Variants in DMD observed in about 807,000 individuals in gnomAD.
The protein encoded by DMD is dystrophin, also known as mutant dystrophin.
In DMD, 63 loss-of-function variants were observed where a neutral mutation model predicts 330.1. That is an observed-to-expected ratio of 0.19 (90% confidence interval 0.16 to 0.24). The LOEUF is 0.24. Ranked by LOEUF, DMD falls within the 10% of genes least tolerant of loss-of-function variation. The pLI, the probability that DMD is intolerant of heterozygous loss-of-function variation, is 1.00. For synonymous variants in DMD, 1,223 were observed against 959.8 expected (o/e 1.27, Z -5.07); for missense variants, 3,344 against 2,684.1 (o/e 1.25, Z -5.43).
chrX:32,965,859 G>C (rs1318878991), intron 2 of DMD, among the ~76,000 whole-genome samples: 1 of 111,702 alleles, frequency 9.0e-6, no homozygotes, highest in East Asian at 2.8e-4. Context: ...AATCATTATA[G>C]TTTGTCTAGG....
rs369182427 is a variant in DMD at position 31,190,155 on chromosome X, C to T, written c.9808-7251G>A. ...AATGTTTGGAGTGTCGACCAAAAAA[C>T]ATCAGAGAAAAACATCGCCAAATAT... On this transcript the variant is annotated intron_variant, in intron 67 of 78. Coordinates refer to ENST00000357033, the MANE Select transcript of DMD (RefSeq NM_004006.3). Among the ~76,000 whole-genome samples the T allele has an allele frequency of 3.6e-5, 4 of 112,124 alleles. No homozygotes were observed. In the South Asian group the frequency reaches 1.5e-3, roughly 42 times the overall value.
intron 74 of DMD, among the ~76,000 whole-genome samples, chrX:31,154,258 G>A (rs924722053): frequency 1.8e-5 from 2 of 111,026 alleles, no homozygotes; most frequent in Admixed American, 9.6e-5. Flanking sequence ...CAGAGTTACT[G>A]TTCCAAGGTA....
intron 52 of DMD, among the ~76,000 whole-genome samples, chrX:31,702,396 C>T (rs1291951558): frequency 8.9e-6 from 1 of 112,122 alleles, no homozygotes; most frequent in Non-Finnish European, 1.9e-5. Flanking sequence ...TGGATTACAT[C>T]ATCTTCATTC....
At chrX:32,164,692 C>T (rs1333460068) in intron 44 of DMD, among the ~76,000 whole-genome samples, 2 of 111,412 alleles carry the variant, frequency 1.8e-5, no homozygotes, top group African/African-American at 6.5e-5. Flanking sequence ...ATAGGCAAGA[C>T]AATGGGGAAA....
intron 62 of DMD, chrX:31,267,048 C>T: frequency 2.5e-6 from 1 of 404,899 alleles, no homozygotes; most frequent in Non-Finnish European, 4.0e-6. Flanking sequence ...GACCTGGGAA[C>T]CCGGACACCC....
At chrX:31,814,439 C>G (rs1272767574) in intron 50 of DMD, among the ~76,000 whole-genome samples, 1 of 84,901 alleles carries the variant, frequency 1.2e-5, no homozygotes, top group African/African-American at 4.6e-5. Flanking sequence ...GCCGAGATCG[C>G]GCCACTGCAC....
intron 60 of DMD, 49 bp downstream of exon 60, chrX:31,444,432 T>C (rs1343030866): frequency 2.5e-6 from 3 of 1,181,699 alleles, no homozygotes; most frequent in South Asian, 1.8e-5. Context: ...ATTTTATCTG[T>C]ATATTATTTT....
At chrX:31,165,796 A>T (rs965411404) in intron 74 of DMD, among the ~76,000 whole-genome samples, 3 of 111,992 alleles carry the variant, frequency 2.7e-5, no homozygotes, top group Non-Finnish European at 5.6e-5. Context: ...TAAAGATTAG[A>T]TATCTCACTA....
chrX:32,638,132 T>G (rs2059217889), intron 11 of DMD, among the ~76,000 whole-genome samples: 1 of 112,041 alleles, frequency 8.9e-6, no homozygotes, highest in African/African-American at 3.2e-5. Context: ...CATCTATAAA[T>G]AATTCCTACT....
rs976353785 is a variant in DMD at position 31,625,466 on chromosome X, T to A, written c.8217+2207A>T. Among the ~76,000 whole-genome samples the A allele has an allele frequency of 3.6e-5, 4 of 111,939 alleles. No individual in the cohort carries two copies. The South Asian group carries it at 1.1e-3, about 31-fold the overall frequency. ...TCAAAGATGGAAAAGAGTAGCCTGATCGACACTGGACTTTATGTGAGCAAC... is the reference window on the plus strand; with the variant it reads ...TCAAAGATGGAAAAGAGTAGCCTGAACGACACTGGACTTTATGTGAGCAAC... On this transcript the variant is annotated intron_variant, in intron 55 of 78. Transcript: ENST00000357033.
At chrX:31,418,154 GT>G (rs936417426) in intron 60 of DMD, among the ~76,000 whole-genome samples, 2 of 111,397 alleles carry the variant, frequency 1.8e-5, no homozygotes, top group African/African-American at 6.5e-5. Context: ...GACAACCAAA[GT>G]TTTTTTCTCA....
At chrX:32,252,047 G>A (rs747850669) in intron 43 of DMD, among the ~76,000 whole-genome samples, 2 of 111,728 alleles carry the variant, frequency 1.8e-5, no homozygotes, top group South Asian at 3.7e-4. Flanking sequence ...AAATAAACTT[G>A]TAATGGTTTT....
chrX:31,319,340 G>T (rs1438620657), intron 62 of DMD, among the ~76,000 whole-genome samples: 1 of 112,210 alleles, frequency 8.9e-6, no homozygotes, highest in Non-Finnish European at 1.9e-5. Flanking sequence ...GGAATGTGAG[G>T]CTAAAGTCGA....
At chrX:32,554,843 AG>A (rs2050017448) in intron 16 of DMD, among the ~76,000 whole-genome samples, 7 of 56,172 alleles carry the variant, frequency 1.2e-4, no homozygotes, top group Non-Finnish European at 2.4e-4. Flanking sequence ...AGAGAGAGAG[AG>A]AGAGAGAGAG....
At chrX:32,728,864 G>T (rs986176519) in intron 7 of DMD, among the ~76,000 whole-genome samples, 1 of 111,655 alleles carries the variant, frequency 9.0e-6, no homozygotes, top group African/African-American at 3.3e-5. Flanking sequence ...GTTGGCCATA[G>T]CCACTTAAAC....
At chrX:31,933,591 C>T (rs1700078826) in intron 45 of DMD, among the ~76,000 whole-genome samples, 1 of 111,522 alleles carries the variant, frequency 9.0e-6, no homozygotes, top group African/African-American at 3.3e-5. Context: ...GTACAGGACA[C>T]TGCACAATTT....
intron 53 of DMD, among the ~76,000 whole-genome samples, chrX:31,676,857 T>C (rs1305070754): frequency 8.9e-6 from 1 of 112,360 alleles, no homozygotes; most frequent in Non-Finnish European, 1.9e-5. Flanking sequence ...TTATTAACAT[T>C]AGGATTACTT....
intron 32 of DMD, among the ~76,000 whole-genome samples, chrX:32,388,661 A>G (rs1603632289): frequency 9.0e-6 from 1 of 110,990 alleles, no homozygotes; most frequent in South Asian, 3.8e-4. Flanking sequence ...ATTATGGAGT[A>G]GATGTAGAAA....
chrX:32,678,593 A>C (rs2062135687), intron 9 of DMD, among the ~76,000 whole-genome samples: 1 of 111,014 alleles, frequency 9.0e-6, no homozygotes, highest in Non-Finnish European at 1.9e-5. Context: ...ATCAAAGGGC[A>C]ACTGTCCAGG....
Sources: allele counts gnomAD v4.1 joint callset (sites outside exome capture counted in the v4.1 genomes callset), GRCh38; gene constraint gnomAD v4.1.1; transcripts MANE v1.5; gene names NCBI Gene and HGNC (gene_info 2026-07-23, HGNC 2026-07-21).